Variants in VAT1L observed in about 807,000 individuals in gnomAD.
The protein encoded by VAT1L is vesicle amine transport 1 like.
A neutral mutation model predicts 44.1 loss-of-function variants in VAT1L; 34 were observed. The observed-to-expected ratio is 0.77, with a 90% CI of 0.59 to 1.03. The LOEUF (loss-of-function observed/expected upper bound fraction) is 1.03, where lower values mean the gene tolerates loss of function less well. Ranked by LOEUF, VAT1L falls within the 50% of genes least tolerant of loss-of-function variation. The pLI is 0.00. For synonymous variants in VAT1L, 253 were observed against 202.2 expected (o/e 1.25, Z -2.13); for missense variants, 615 against 538.8 (o/e 1.14, Z -1.40).
intron 3 of VAT1L, among the ~76,000 whole-genome samples, chr16:77,860,311 G>C (rs1470384590): frequency 6.6e-6 from 1 of 152,162 alleles, no homozygotes; most frequent in Non-Finnish European, 1.5e-5. Context: ...GTTAGGTTTT[G>C]GATCAGTTGA....
At chr16:77,907,668 C>T (rs1249367320) in intron 7 of VAT1L, among the ~76,000 whole-genome samples, 1 of 152,084 alleles carries the variant, frequency 6.6e-6, no homozygotes, top group East Asian at 1.9e-4. Flanking sequence ...TTTCTAAAAG[C>T]AGGTGTAGAC....
chr16:77,913,576 G>A (rs982432487), intron 7 of VAT1L, among the ~76,000 whole-genome samples: 1 of 151,932 alleles, frequency 6.6e-6, no homozygotes, highest in Non-Finnish European at 1.5e-5. Flanking sequence ...TTCCTTGCTT[G>A]TTAGTCTCCA....
intron 7 of VAT1L, among the ~76,000 whole-genome samples, chr16:77,920,532 G>A (rs1220119085): frequency 6.6e-6 from 1 of 152,122 alleles, no homozygotes; most frequent in Non-Finnish European, 1.5e-5. Context: ...AAATATGTAT[G>A]TGTTCATATG....
intron 7 of VAT1L, among the ~76,000 whole-genome samples, chr16:77,967,848 A>G (rs372089324): frequency 6.6e-6 from 1 of 152,194 alleles, no homozygotes; most frequent in African/African-American, 2.4e-5. Flanking sequence ...GACGTGAGAC[A>G]CTACCTACCT....
chr16:77,961,397 G>T (rs2018158789), intron 7 of VAT1L, among the ~76,000 whole-genome samples: 1 of 152,038 alleles, frequency 6.6e-6, no homozygotes, highest in African/African-American at 2.4e-5. Context: ...TCACCTTCTT[G>T]TTCCCTTACC....
intron 7 of VAT1L, among the ~76,000 whole-genome samples, chr16:77,921,690 T>C (rs932984593): frequency 5.9e-5 from 9 of 152,214 alleles, no homozygotes; most frequent in African/African-American, 1.9e-4. Context: ...TTTAGGCACT[T>C]GTACTAAGTC....
At chr16:77,863,251 C>T (rs2016935110) in intron 4 of VAT1L, among the ~76,000 whole-genome samples, 4 of 152,196 alleles carry the variant, frequency 2.6e-5, no homozygotes, top group Non-Finnish European at 4.4e-5. Flanking sequence ...AGGCTCTTTT[C>T]ATCTTATGGT....
intron 4 of VAT1L, among the ~76,000 whole-genome samples, chr16:77,869,797 A>C (rs1426728097): frequency 1.3e-5 from 2 of 152,204 alleles, no homozygotes; most frequent in African/African-American, 4.8e-5. Flanking sequence ...AGAGGAAGGA[A>C]TCAAACTCCC....
rs2016305426 is a variant in VAT1L, at chr16:77,813,725, T to G, written c.234-3196T>G. Reference sequence around the variant, plus strand: ...TTTTGACATCCTTTCTATTGCTAAGTCGTTCTCTTGATGTGTGTTTCCCAA... The same window carrying G: ...TTTTGACATCCTTTCTATTGCTAAGGCGTTCTCTTGATGTGTGTTTCCCAA... On this transcript the variant is annotated intron_variant, in intron 1 of 8. Coordinates refer to ENST00000302536, the MANE Select transcript of VAT1L (RefSeq NM_020927.3). Among the ~76,000 whole-genome samples the G allele has an allele frequency of 2.0e-5, 3 of 152,354 alleles. 1 individual carries two copies. The South Asian group carries it at 6.2e-4, about 32-fold the overall frequency.
intron 7 of VAT1L, among the ~76,000 whole-genome samples, chr16:77,933,908 A>T (rs1344725341): frequency 6.6e-6 from 1 of 152,200 alleles, no homozygotes; most frequent in Non-Finnish European, 1.5e-5. Flanking sequence ...CACAATCGGG[A>T]ATCTGGAAAA....
intron 3 of VAT1L, among the ~76,000 whole-genome samples, chr16:77,832,453 G>T (rs2016590775): frequency 6.6e-6 from 1 of 152,126 alleles, no homozygotes; most frequent in East Asian, 1.9e-4. Context: ...CCTCTAGTCT[G>T]GTCCCAATTG....
Position 77,876,251 on chromosome 16 carries a change from C to A in VAT1L, c.723-119C>A, listed in dbSNP as rs549048584. On this transcript the variant is annotated intron_variant, in intron 4 of 8. Coordinates refer to ENST00000302536, the MANE Select transcript of VAT1L (RefSeq NM_020927.3). ...GCTTCTGCCCTATTTATTGCTACTCCTGGAGCTTTCAGGGTTCCTAATTCT... is the reference window on the plus strand; with the variant it reads ...GCTTCTGCCCTATTTATTGCTACTCATGGAGCTTTCAGGGTTCCTAATTCT... 9 of 837,990 alleles carry A rather than the reference C, an allele frequency of 1.1e-5. No individual in the cohort carries two copies. In the East Asian group the frequency reaches 2.2e-4, roughly 21 times the overall value. 51.9% of individuals were successfully genotyped at this position (837,990 alleles called of 1,614,324 possible). A position where few individuals can be genotyped will look rare whatever the true frequency, so the allele number is the denominator to read the frequency against.
chr16:77,853,970 A>G (rs2142435608), intron 3 of VAT1L, among the ~76,000 whole-genome samples: 1 of 152,112 alleles, frequency 6.6e-6, no homozygotes. Flanking sequence ...TTTACTAAAA[A>G]TACAAAAATT....
chr16:77,920,902 A>T (rs2017604402), intron 7 of VAT1L, among the ~76,000 whole-genome samples: 1 of 151,720 alleles, frequency 6.6e-6, no homozygotes, highest in African/African-American at 2.4e-5. Flanking sequence ...CTCAGAATGT[A>T]TCCTCATCAT....
chr16:77,918,483 T>C (rs893753595), intron 7 of VAT1L, among the ~76,000 whole-genome samples: 4 of 152,098 alleles, frequency 2.6e-5, no homozygotes, highest in Non-Finnish European at 4.4e-5. Flanking sequence ...GCCGTTAGAC[T>C]CCTTCACTGG....
At chr16:77,962,739 A>AGAAG (rs200754303) in intron 7 of VAT1L, among the ~76,000 whole-genome samples, 9,321 of 129,378 alleles carry the variant, frequency 0.072, 690 homozygotes, top group African/African-American at 0.19. Flanking sequence ...AAAGAAGGAA[A>AGAAG]GAAGGAAGGA....
At chr16:77,943,122 T>A (rs2017910649) in intron 7 of VAT1L, among the ~76,000 whole-genome samples, 2 of 150,992 alleles carry the variant, frequency 1.3e-5, no homozygotes, top group African/African-American at 2.4e-5. Flanking sequence ...AGTGGCTCTA[T>A]CTCTGCTCAG....
intron 1 of VAT1L, among the ~76,000 whole-genome samples, chr16:77,811,653 T>C (rs2016267582): frequency 6.6e-6 from 1 of 152,140 alleles, no homozygotes; most frequent in South Asian, 2.1e-4. Flanking sequence ...CATCCCTTAA[T>C]ACCTAACATG....
At chr16:77,819,039 T>G (rs2016404117) in intron 2 of VAT1L, among the ~76,000 whole-genome samples, 1 of 151,680 alleles carries the variant, frequency 6.6e-6, no homozygotes, top group African/African-American at 2.4e-5. Flanking sequence ...TGAGATGAAG[T>G]GGTTATGTTT....
Sources: gnomAD v4.1 joint callset for allele counts (sites outside exome capture counted in the v4.1 genomes callset) on GRCh38, gnomAD v4.1.1 for gene constraint, MANE v1.5 for transcripts, NCBI Gene and HGNC (gene_info 2026-07-23, HGNC 2026-07-21) for gene names.